The following ZSWIM5 variants were observed in gnomAD, a reference collection of about 807,000 sequenced individuals.
ZSWIM5 encodes zinc finger SWIM domain-containing protein 5.
ZSWIM5 carries 55 observed loss-of-function variants against 119.6 expected under a neutral mutation model. That is an observed-to-expected ratio of 0.46 (90% confidence interval 0.37 to 0.58). ZSWIM5 has a LOEUF of 0.58. ZSWIM5 is among the 20% of genes least tolerant of loss of function. The pLI is 0.00. For synonymous variants in ZSWIM5, 537 were observed against 606.9 expected, an observed-to-expected ratio of 0.88 and a Z score of 1.69; for missense variants, 1,193 against 1,512.8, an observed-to-expected ratio of 0.79 and a Z score of 3.51.
chr1:45,065,863 A>T (rs901881914), intron 2 of ZSWIM5, among the ~76,000 whole-genome samples: 2 of 151,340 alleles, frequency 1.3e-5, no homozygotes, highest in Non-Finnish European at 2.9e-5. Flanking sequence ...TTTTAATTCT[A>T]ATTTTATTAT....
At chr1:45,031,839 C>CAAAAAAAAAAAAAAAAA (rs71040536) in intron 11 of ZSWIM5, among the ~76,000 whole-genome samples, 1 of 98,938 alleles carries the variant, frequency 1.0e-5, no homozygotes, top group Non-Finnish European at 1.9e-5. Flanking sequence ...GACTCCATCT[C>CAAAAAAAAAAAAAAAAA]AAAAAAAAAA....
At position 45,036,069 on chromosome 1, in the gene ZSWIM5, G is replaced by C. The variant is rs763567594; in HGVS notation, c.2125C>G (p.Leu709Val). ...LQLDDELVQTLQKQCILLLEG... is the reference protein window; with the variant it reads ...LQLDDELVQTVQKQCILLLEG... ...AGCAGTAAGATGCATTGTTTTTGCA[G>C]TGTTTGCACTAGCTCATCGTCCAGC... The change falls in exon 9 of 14, where the codon CTG becomes GTG. Residue 709 changes from leucine (L) to valine (V), a missense_variant. This residue lies in a region of ZSWIM5 where 961 missense variants were observed against 1,290.0 expected (regional missense o/e 0.74). Transcript: ENST00000359600. 85 of 1,614,158 alleles carry C rather than the reference G, an allele frequency of 5.3e-5. No individual in the cohort carries two copies. Among genetic ancestry groups the C allele is most frequent in the Admixed American group, 1.5e-4 (9 of 60,018 alleles).
intron 10 of ZSWIM5, 106 bp from the exon 11 acceptor site, chr1:45,034,575 A>T: frequency 2.2e-6 from 3 of 1,340,976 alleles, no homozygotes; most frequent in Non-Finnish European, 3.0e-6. Context: ...AGAGGAAAGG[A>T]TTAACTAAGA....
chr1:45,168,664 C>CAAAAAA (rs1024002696), intron 1 of ZSWIM5, among the ~76,000 whole-genome samples: 3 of 39,182 alleles, frequency 7.7e-5, no homozygotes, highest in South Asian at 9.1e-4. Flanking sequence ...GACTCCATCT[C>CAAAAAA]AAAAAAAAAA....
chr1:45,178,288 G>A (rs1244935515), intron 1 of ZSWIM5, among the ~76,000 whole-genome samples: 3 of 152,238 alleles, frequency 2.0e-5, no homozygotes, highest in South Asian at 4.1e-4. Context: ...GCTGGGTGTG[G>A]TGGCGCATGC....
Position 45,039,030 on chromosome 1 carries a change from G to C in ZSWIM5, c.1800C>G (p.Gly600=), listed in dbSNP as rs1645002888. The C allele has an allele frequency of 6.2e-7, 1 of 1,614,142 alleles. No homozygotes were observed. The highest frequency in any genetic ancestry group is 8.5e-7 in the Non-Finnish European group (1 of 1,180,020). ...RGTTTITNLE[G]WVGHPLDPID... ...TGGGATCCAGGGGGTGGCCCACCCAGCCCTCCAGGTTTGTGATGGTTGTGG... is the reference window on the plus strand; with the variant it reads ...TGGGATCCAGGGGGTGGCCCACCCACCCCTCCAGGTTTGTGATGGTTGTGG... Residue 600 remains glycine (G), a synonymous_variant, in exon 8 of 14, where the codon GGC becomes GGG. Coordinates refer to ENST00000359600, the MANE Select transcript of ZSWIM5 (RefSeq NM_020883.2).
intron 1 of ZSWIM5, among the ~76,000 whole-genome samples, chr1:45,162,733 C>T (rs1232848962): frequency 6.6e-6 from 1 of 152,230 alleles, no homozygotes; most frequent in African/African-American, 2.4e-5. Context: ...CAGCACAGCA[C>T]TCTGAGATCG....
At chr1:45,190,262 T>C (rs1188205345) in intron 1 of ZSWIM5, among the ~76,000 whole-genome samples, 2 of 151,892 alleles carry the variant, frequency 1.3e-5, no homozygotes, top group African/African-American at 2.4e-5. Context: ...AAGCTGGAGA[T>C]TGCAGTGAGC....
chr1:45,183,209 A>G (rs1348795758), intron 1 of ZSWIM5, among the ~76,000 whole-genome samples: 1 of 151,202 alleles, frequency 6.6e-6, no homozygotes, highest in Non-Finnish European at 1.5e-5. Flanking sequence ...ACGAGAACAA[A>G]GACACAACAT....
At chr1:45,182,626 C>T (rs886499467) in intron 1 of ZSWIM5, among the ~76,000 whole-genome samples, 1 of 151,932 alleles carries the variant, frequency 6.6e-6, no homozygotes, top group Non-Finnish European at 1.5e-5. Flanking sequence ...AGACTTTAAA[C>T]CAACAAAGAT....
chr1:45,198,942 C>T (rs58934647), intron 1 of ZSWIM5, among the ~76,000 whole-genome samples: 24,937 of 152,112 alleles, frequency 0.16, 2,145 homozygotes, highest in African/African-American at 0.2. Flanking sequence ...CCCTTATACA[C>T]TTTCATTTAT....
At chr1:45,155,146 G>GACTA (rs1645819672) in intron 1 of ZSWIM5, among the ~76,000 whole-genome samples, 1 of 151,824 alleles carries the variant, frequency 6.6e-6, no homozygotes, top group Non-Finnish European at 1.5e-5. Context: ...TCCGACAAAG[G>GACTA]ACTAATATCC....
chr1:45,021,905 C>G (rs916126202), intron 11 of ZSWIM5, among the ~76,000 whole-genome samples: 31 of 151,342 alleles, frequency 2.0e-4, no homozygotes, highest in African/African-American at 7.5e-4. Flanking sequence ...GCCTGTAGTC[C>G]CAGCTACTAA....
chr1:45,091,564 G>A (rs1480433849), intron 1 of ZSWIM5, among the ~76,000 whole-genome samples: 1 of 151,736 alleles, frequency 6.6e-6, no homozygotes, highest in East Asian at 1.9e-4. Flanking sequence ...TCAGGAGGTT[G>A]AGGTGGGAGA....
At position 45,022,899 on chromosome 1, in the gene ZSWIM5, G is replaced by A. The variant is rs976432151; in HGVS notation, c.2450-2111C>T. On this transcript the variant is annotated intron_variant, in intron 11 of 13. Coordinates refer to ENST00000359600, the MANE Select transcript of ZSWIM5 (RefSeq NM_020883.2). ...ATACAATGCCTATACATCATTACAC[G>A]TGGATTCAACATAGTGGCTTGTGCC... is the stretch of plus-strand genomic sequence containing the variant. 4.6e-5 allele frequency among the ~76,000 whole-genome samples: 7 copies of A among 152,142 alleles called. 1 individual carries two copies. The South Asian group carries it at 6.2e-4, about 13-fold the overall frequency.
Position 45,205,973 on chromosome 1 carries a change from A to C in ZSWIM5, c.378T>G (p.Ala126=). The C allele has an allele frequency of 2.2e-5, 31 of 1,382,268 alleles. No homozygotes were observed. The highest frequency in any genetic ancestry group is 9.1e-5 in the East Asian group (3 of 32,986). The allele number at this position is 1,382,268 out of a possible 1,614,324, so 85.6% of individuals were successfully genotyped here. The change falls in exon 1 of 14, where the codon GCT becomes GCG. Residue 126 remains alanine, a synonymous_variant. Transcript: ENST00000359600. ...QYRGGPGAGA[A]GGAAGASPAE... ...CCGGCGAAGCCCCCGCGGCGCCGCC[A>C]GCAGCGCCGGCGCCGGGGCCGCCCC...
chr1:45,100,821 T>C (rs923741750), intron 1 of ZSWIM5, among the ~76,000 whole-genome samples: 5 of 152,160 alleles, frequency 3.3e-5, no homozygotes, highest in Admixed American at 2.6e-4. Flanking sequence ...ATTTAATAAA[T>C]GGTGCTGGGA....
intron 1 of ZSWIM5, among the ~76,000 whole-genome samples, chr1:45,141,765 C>T (rs756308849): frequency 6.6e-6 from 1 of 152,014 alleles, no homozygotes; most frequent in African/African-American, 2.4e-5. Context: ...ACAAAGTAGA[C>T]CTTGAACACG....
chr1:45,095,729 T>G (rs1479480877), intron 1 of ZSWIM5, among the ~76,000 whole-genome samples: 1 of 152,216 alleles, frequency 6.6e-6, no homozygotes, highest in Non-Finnish European at 1.5e-5. Flanking sequence ...TGACCTGATC[T>G]CTCCCTTACA....
Sources: gnomAD v4.1 joint callset for allele counts (sites outside exome capture counted in the v4.1 genomes callset) on GRCh38, gnomAD v4.1.1 for gene constraint, gnomAD v4.1.1 regional missense constraint, MANE v1.5 for transcripts, NCBI Gene and HGNC (gene_info 2026-07-23, HGNC 2026-07-21) for gene names.